Variants in CDH23 observed in about 807,000 individuals in gnomAD.
The protein encoded by CDH23 is cadherin-23.
CDH23 carries 189 observed loss-of-function variants against 317.1 expected under a neutral mutation model. That is an observed-to-expected ratio of 0.60 (90% confidence interval 0.53 to 0.67). The LOEUF is 0.67. Ranked by LOEUF, CDH23 falls within the 30% of genes least tolerant of loss-of-function variation. The pLI, the probability that CDH23 is intolerant of heterozygous loss-of-function variation, is 0.00. For missense variants in CDH23, 4,401 were observed against 4,592.4 expected (o/e 0.96, Z 1.20); for synonymous variants, 1,839 against 1,876.8 (o/e 0.98, Z 0.52).
At chr10:71,582,289 G>A (rs975347197) in intron 9 of CDH23, among the ~76,000 whole-genome samples, 2 of 152,226 alleles carry the variant, frequency 1.3e-5, no homozygotes, top group African/African-American at 2.4e-5. Flanking sequence ...CACTTGAAGT[G>A]CGGCTAGTCT....
intron 11 of CDH23, among the ~76,000 whole-genome samples, chr10:71,637,569 T>A (rs953614364): frequency 1.3e-5 from 2 of 152,172 alleles, no homozygotes; most frequent in African/African-American, 4.8e-5. Context: ...TAAAAGGCAG[T>A]GCCTGAGCCT....
At chr10:71,739,860 T>G in intron 36 of CDH23, 88 bp downstream of exon 36, 1 of 1,414,554 alleles carries the variant, frequency 7.1e-7, no homozygotes. Context: ...AGCCTGTCCA[T>G]CAGCACACTC....
At chr10:71,438,488 G>A (rs1002467215) in intron 1 of CDH23, among the ~76,000 whole-genome samples, 6 of 152,128 alleles carry the variant, frequency 3.9e-5, no homozygotes, top group Non-Finnish European at 1.5e-5. Flanking sequence ...GGGGACTGTT[G>A]TATGTCGTGT....
chr10:71,776,370 C>G (rs547733371), intron 38 of CDH23, among the ~76,000 whole-genome samples: 11 of 152,324 alleles, frequency 7.2e-5, no homozygotes, highest in African/African-American at 2.6e-4. Context: ...ATGCAAATTG[C>G]CTACATTGAG....
rs1277049543 is a variant in CDH23, at chr10:71,734,095, GAGA to G, written c.4105-139_4105-137del. On this transcript the variant is annotated intron_variant, in intron 32 of 69. Transcript: ENST00000224721. Reference sequence around the variant, plus strand: ...GGTGGCTTCCCAGTGGAATGTGAGAGAGAAGAAGGAATTCAACAGACAGAGTGT... The same window carrying G: ...GGTGGCTTCCCAGTGGAATGTGAGAGAGAAGGAATTCAACAGACAGAGTGT... 4 of 710,118 alleles carry G rather than the reference GAGA, an allele frequency of 5.6e-6. No homozygotes were observed. In the African/African-American group the frequency reaches 7.0e-5, roughly 12 times the overall value. The allele number at this position is 710,118 out of a possible 1,614,324, so 44.0% of individuals were successfully genotyped here.
intron 3 of CDH23, among the ~76,000 whole-genome samples, chr10:71,486,468 T>C (rs569272065): frequency 2.0e-5 from 3 of 151,692 alleles, no homozygotes; most frequent in African/African-American, 7.3e-5. Flanking sequence ...AGGCGGGGAT[T>C]ATGAGGGGAC....
chr10:71,788,766 T>C (rs543103054), intron 44 of CDH23, among the ~76,000 whole-genome samples, 174 bp from the exon 45 acceptor site: 6 of 152,332 alleles, frequency 3.9e-5, no homozygotes, highest in African/African-American at 1.4e-4. Flanking sequence ...CATTTTTTCA[T>C]GTTTGTTGCC....
At chr10:71,763,402 C>T (rs182887905) in intron 38 of CDH23, among the ~76,000 whole-genome samples, 2 of 152,258 alleles carry the variant, frequency 1.3e-5, no homozygotes, top group Non-Finnish European at 2.9e-5. Context: ...CAAACTGATA[C>T]ATCCTTTTCA....
rs1201598342 is a variant in CDH23, at chr10:71,798,424, C to T, written c.6900C>T (p.Tyr2300=). The T allele has an allele frequency of 6.2e-7, 1 of 1,613,868 alleles. No individual in the cohort carries two copies. Among genetic ancestry groups the T allele is most frequent in the Non-Finnish European group, 8.5e-7 (1 of 1,179,858 alleles). The change falls in exon 50 of 70, where the codon TAC becomes TAT. Residue 2300 remains tyrosine, a synonymous_variant. Transcript: ENST00000224721. ...TPQFKPFGIT[Y]YMERILEGAT... ...AGTTCAAGCCCTTTGGGATCACCTACTACATGGAGCGGATCCTGGAGGGGG... is the reference window on the plus strand; with the variant it reads ...AGTTCAAGCCCTTTGGGATCACCTATTACATGGAGCGGATCCTGGAGGGGG...
chr10:71,397,876 A>G lies in CDH23; in HGVS notation c.-6+558A>G, dbSNP rs1320833613. Among the ~76,000 whole-genome samples, 2 of 152,026 alleles carry G rather than the reference A, an allele frequency of 1.3e-5. No individual in the cohort carries two copies. The highest frequency in any genetic ancestry group is 2.9e-5 in the Non-Finnish European group (2 of 67,986). On this transcript the variant is annotated intron_variant, in intron 1 of 69. Transcript: ENST00000224721. This position sits in a 1 kb window ranked among gnomAD's most constrained non-coding sequence, Gnocchi z 4.8. ...CCGCGGGAGACCCCAGGGGACTTACACATCCTCCCAAATTCGGTCCAGCTA... is the reference window on the plus strand; with the variant it reads ...CCGCGGGAGACCCCAGGGGACTTACGCATCCTCCCAAATTCGGTCCAGCTA...
chr10:71,600,764 C>G (rs1385735369), intron 9 of CDH23, among the ~76,000 whole-genome samples: 5 of 152,116 alleles, frequency 3.3e-5, no homozygotes, highest in Admixed American at 1.3e-4. Flanking sequence ...GATCCACACG[C>G]CTCGGCCTCC....
At chr10:71,763,298 AC>A (rs1840444341) in intron 38 of CDH23, among the ~76,000 whole-genome samples, 1 of 152,202 alleles carries the variant, frequency 6.6e-6, no homozygotes, top group South Asian at 2.1e-4. Context: ...GTGACCCACT[AC>A]GCCCGGCCAG....
intron 11 of CDH23, among the ~76,000 whole-genome samples, chr10:71,632,352 T>G (rs1862052297): frequency 1.3e-5 from 2 of 152,200 alleles, no homozygotes; most frequent in South Asian, 4.1e-4. Context: ...CGCTGTGAGA[T>G]TCAATCTAAT....
intron 41 of CDH23, among the ~76,000 whole-genome samples, 188 bp downstream of exon 41, chr10:71,779,635 G>A (rs1345829697): frequency 6.6e-6 from 1 of 152,236 alleles, no homozygotes; most frequent in Non-Finnish European, 1.5e-5. Context: ...CCAGAGATGT[G>A]GCGAGAACAC....
At chr10:71,414,016 C>A (rs1848436163) in intron 1 of CDH23, among the ~76,000 whole-genome samples, 1 of 147,318 alleles carries the variant, frequency 6.8e-6, no homozygotes, top group African/African-American at 2.5e-5. Context: ...TTTTGTACTG[C>A]AATTTTGCTG....
At chr10:71,540,532 G>C (rs529577830) in intron 6 of CDH23, among the ~76,000 whole-genome samples, 1 of 152,072 alleles carries the variant, frequency 6.6e-6, no homozygotes, top group African/African-American at 2.4e-5. Context: ...TGACTTAGCT[G>C]GTCTCACTAC....
intron 14 of CDH23, among the ~76,000 whole-genome samples, chr10:71,656,189 G>A (rs975459647): frequency 2.6e-5 from 4 of 152,204 alleles, no homozygotes; most frequent in Non-Finnish European, 4.4e-5. Context: ...TTCCAGGATC[G>A]CCTGGGCCTC....
At chr10:71,718,451 C>T (rs770394377) in intron 28 of CDH23, among the ~76,000 whole-genome samples, 17 of 152,226 alleles carry the variant, frequency 1.1e-4, no homozygotes, top group Non-Finnish European at 2.4e-4. Context: ...GTCTAGCTGC[C>T]CAGGGCCTCC....
At chr10:71,452,017 A>G (rs990285420) in intron 3 of CDH23, among the ~76,000 whole-genome samples, 2 of 152,162 alleles carry the variant, frequency 1.3e-5, no homozygotes, top group Non-Finnish European at 2.9e-5. Flanking sequence ...CCAGGAGAGC[A>G]CTTTCCCGCA....
Sources: allele counts gnomAD v4.1 joint callset (sites outside exome capture counted in the v4.1 genomes callset), GRCh38; gene constraint gnomAD v4.1.1; non-coding constraint Gnocchi (gnomAD v3.1); transcripts MANE v1.5; gene names NCBI Gene and HGNC (gene_info 2026-07-23, HGNC 2026-07-21).